The following GAB2 variants were observed in gnomAD, a reference collection of about 807,000 sequenced individuals.
The protein encoded by GAB2 is GRB2-associated-binding protein 2.
A neutral mutation model predicts 65.5 loss-of-function variants in GAB2; 26 were observed. The observed-to-expected ratio is 0.40, with a 90% CI of 0.29 to 0.55. The LOEUF (loss-of-function observed/expected upper bound fraction) is 0.55. Ranked by LOEUF, GAB2 falls within the 20% of genes least tolerant of loss-of-function variation. The probability of loss-of-function intolerance (pLI) is 0.53; values close to 1 mark genes in which losing one functional copy is unlikely to be tolerated. For synonymous variants in GAB2, 321 were observed against 329.6 expected (o/e 0.97, Z 0.28); for missense variants, 884 against 875.8 (o/e 1.01, Z -0.12).
chr11:78,254,971 G>A (rs1865557447), intron 2 of GAB2, among the ~76,000 whole-genome samples: 1 of 151,940 alleles, frequency 6.6e-6, no homozygotes. Flanking sequence ...GTTTACTAGT[G>A]TCCTTCCAAA....
chr11:78,229,379 G>A (rs1049512230), intron 3 of GAB2, among the ~76,000 whole-genome samples: 1 of 152,190 alleles, frequency 6.6e-6, no homozygotes, highest in Non-Finnish European at 1.5e-5. Context: ...GGCCAGGCCA[G>A]GACTAAAGGG....
intron 1 of GAB2, among the ~76,000 whole-genome samples, chr11:78,373,978 T>C (rs1215089836): frequency 2.6e-5 from 4 of 152,248 alleles, no homozygotes; most frequent in Admixed American, 6.5e-5. Context: ...TAAGTGAAGA[T>C]GGTTTACCCT....
chr11:78,348,050 T>C (rs1364213110), intron 1 of GAB2, among the ~76,000 whole-genome samples: 1 of 152,186 alleles, frequency 6.6e-6, no homozygotes, highest in Admixed American at 6.5e-5. Context: ...TATTTAGTAT[T>C]GATTAAGTGG....
chr11:78,385,992 G>A (rs1227684795), intron 1 of GAB2, among the ~76,000 whole-genome samples: 5 of 152,156 alleles, frequency 3.3e-5, no homozygotes, highest in African/African-American at 1.2e-4. Flanking sequence ...CTATCTATAC[G>A]TATGTATCTG....
At chr11:78,260,131 AAAG>A (rs1865691525) in intron 2 of GAB2, among the ~76,000 whole-genome samples, 2 of 152,232 alleles carry the variant, frequency 1.3e-5, no homozygotes, top group Non-Finnish European at 2.9e-5. Context: ...GAGGAAGAAA[AAAG>A]AAAAGACAGA....
At chr11:78,381,053 C>A (rs1422611418) in intron 1 of GAB2, among the ~76,000 whole-genome samples, 1 of 151,948 alleles carries the variant, frequency 6.6e-6, no homozygotes, top group Non-Finnish European at 1.5e-5. Context: ...CATACTTAAG[C>A]TTTGTACTCA....
intron 3 of GAB2, among the ~76,000 whole-genome samples, chr11:78,241,708 G>T (rs1351210382): frequency 1.3e-5 from 2 of 151,952 alleles, no homozygotes; most frequent in Non-Finnish European, 2.9e-5. Flanking sequence ...TCAATTAGAA[G>T]AAAGAATATC....
At chr11:78,283,408 G>C (rs1866382053) in intron 1 of GAB2, among the ~76,000 whole-genome samples, 1 of 152,168 alleles carries the variant, frequency 6.6e-6, no homozygotes, top group Non-Finnish European at 1.5e-5. Context: ...TTCCCATCAA[G>C]ACATCAACGT....
chr11:78,388,663 C>T (rs1280487567), intron 1 of GAB2, among the ~76,000 whole-genome samples: 1 of 152,056 alleles, frequency 6.6e-6, no homozygotes, highest in African/African-American at 2.4e-5. Flanking sequence ...CAATATAGTC[C>T]CAGAACATAA....
intron 1 of GAB2, among the ~76,000 whole-genome samples, chr11:78,295,614 T>C (rs937186663): frequency 6.6e-6 from 1 of 152,148 alleles, no homozygotes; most frequent in Non-Finnish European, 1.5e-5. Flanking sequence ...AGTGCTCTTA[T>C]AATGGTATGA....
intron 1 of GAB2, among the ~76,000 whole-genome samples, chr11:78,355,478 G>T (rs1335978084): frequency 6.6e-6 from 1 of 152,118 alleles, no homozygotes; most frequent in Non-Finnish European, 1.5e-5. Context: ...ATGTATCAGT[G>T]TCAGGTCATC....
At chr11:78,322,806 A>G (rs1211475903) in intron 1 of GAB2, among the ~76,000 whole-genome samples, 1 of 151,920 alleles carries the variant, frequency 6.6e-6, no homozygotes, top group East Asian at 1.9e-4. Flanking sequence ...GTAAAAAAAA[A>G]AAAAAAACAA....
At chr11:78,349,097 T>C (rs1011723199) in intron 1 of GAB2, among the ~76,000 whole-genome samples, 1 of 152,230 alleles carries the variant, frequency 6.6e-6, no homozygotes, top group Admixed American at 6.5e-5. Context: ...ATCTTCAATG[T>C]AGTACTTGTT....
intron 2 of GAB2, among the ~76,000 whole-genome samples, chr11:78,273,342 G>A (rs1308849571): frequency 6.6e-6 from 1 of 152,250 alleles, no homozygotes; most frequent in Non-Finnish European, 1.5e-5. Context: ...TAGAGGTGGA[G>A]TGCCCAAGGC....
In GAB2 at chr11:78,220,331, G is replaced by A. The variant is rs2134451924; in HGVS notation, c.1875C>T (p.Ser625=). 1 of 1,612,526 alleles carries A rather than the reference G, an allele frequency of 6.2e-7. No homozygotes were observed. Among genetic ancestry groups the A allele is most frequent in the Non-Finnish European group, 8.5e-7 (1 of 1,179,708 alleles). ...CTACTCCAGGCACCTTGCGGTGGGG[G>A]CTTGGGGAGCTCGGCTGGAAGTCCA... ...LALDFQPSSP[S]PHRKPSTSSV... is the part of the protein sequence containing the mutation. The change falls in exon 9 of 10, where the codon AGC becomes AGT. Residue 625 remains serine (S), a synonymous_variant. Coordinates refer to ENST00000361507, the MANE Select transcript of GAB2 (RefSeq NM_080491.3).
At chr11:78,367,821 CTTTTTTTTTTTTTT>C (rs569887849) in intron 1 of GAB2, among the ~76,000 whole-genome samples, 1 of 116,122 alleles carries the variant, frequency 8.6e-6, no homozygotes, top group Non-Finnish European at 1.8e-5. Context: ...TTTTCTTTTT[CTTTTTTTTTTTTTT>C]TTTTTTTGAG....
intron 1 of GAB2, among the ~76,000 whole-genome samples, chr11:78,323,280 C>T (rs183110002): frequency 6.6e-5 from 10 of 152,146 alleles, no homozygotes; most frequent in Admixed American, 1.3e-4. Flanking sequence ...GAGACTGAGA[C>T]GGGACGATCA....
intron 1 of GAB2, among the ~76,000 whole-genome samples, chr11:78,361,411 C>T (rs1056732425): frequency 6.6e-6 from 1 of 151,688 alleles, no homozygotes; most frequent in Non-Finnish European, 1.5e-5. Flanking sequence ...ACGGACACAC[C>T]CCCCCACACC....
At chr11:78,415,167 CA>C (rs1857178870) in intron 1 of GAB2, among the ~76,000 whole-genome samples, 1 of 152,246 alleles carries the variant, frequency 6.6e-6, no homozygotes, top group South Asian at 2.1e-4. Flanking sequence ...CCACTGCGCC[CA>C]GACTTCAAAT....
Sources: gnomAD v4.1 joint callset for allele counts (sites outside exome capture counted in the v4.1 genomes callset) on GRCh38, gnomAD v4.1.1 for gene constraint, MANE v1.5 for transcripts, NCBI Gene and HGNC (gene_info 2026-07-23, HGNC 2026-07-21) for gene names.